RALYL: variants seen among roughly 807,000 people sequenced by gnomAD.
RALYL encodes RNA-binding Raly-like protein.
RALYL carries 29 observed loss-of-function variants against 35.1 expected under a neutral mutation model. That is an observed-to-expected ratio of 0.83 (90% CI 0.61 to 1.13). The LOEUF (loss-of-function observed/expected upper bound fraction) is 1.13, where lower values mean the gene tolerates loss of function less well. Ranked by LOEUF, RALYL falls within the 50% of genes most tolerant of loss-of-function variation. The pLI is 0.00. For synonymous variants in RALYL, 120 were observed against 127.6 expected, an observed-to-expected ratio of 0.94 and a Z score of 0.40; for missense variants, 359 against 360.4, an observed-to-expected ratio of 1.00 and a Z score of 0.03.
At position 84,887,598 on chromosome 8, in the gene RALYL, C is replaced by CA. The variant is rs755371477; in HGVS notation, c.686-6_686-5insA. On this transcript the variant is annotated splice_region_variant and splice_polypyrimidine_tract_variant and intron_variant, in intron 7 of 8. Coordinates refer to ENST00000521268, the MANE Select transcript of RALYL (RefSeq NM_173848.7). ...GTAGTAGTCATTTGCTTTCTCCCCC[C>CA]CCCAGAAGCTCAGAAGAAGCAATTG... 13 of 1,601,890 alleles carry CA rather than the reference C, an allele frequency of 8.1e-6. No individual in the cohort carries two copies. In the East Asian group the frequency reaches 2.0e-4, roughly 25 times the overall value.
rs542089554 is a variant in RALYL at position 84,780,462 on chromosome 8, A to G, written c.332+5808A>G. Among the ~76,000 whole-genome samples, 21 of 152,366 alleles carry G rather than the reference A, an allele frequency of 1.4e-4. No homozygotes were observed. In the East Asian group the frequency reaches 4.0e-3, roughly 29 times the overall value. On this transcript the variant is annotated intron_variant, in intron 3 of 8. Transcript: ENST00000521268. The stretch of plus-strand genomic sequence containing the variant: ...AAAACTCAAACCTGAATATCCATAC[A>G]TCTGGGTAATTGAGGGAGAGTTCTC...
intron 1 of RALYL, among the ~76,000 whole-genome samples, chr8:84,425,062 C>T (rs1471868032): frequency 6.6e-6 from 1 of 152,208 alleles, no homozygotes; most frequent in Admixed American, 6.5e-5. Context: ...CCTCCTTGAG[C>T]TGTGGTGGGC....
At chr8:84,661,088 C>T (rs1830816594) in intron 2 of RALYL, among the ~76,000 whole-genome samples, 1 of 152,034 alleles carries the variant, frequency 6.6e-6, no homozygotes, top group South Asian at 2.1e-4. Context: ...CCCACCATGC[C>T]CGGCTAATTT....
intron 1 of RALYL, among the ~76,000 whole-genome samples, chr8:84,291,796 A>G (rs117134755): frequency 0.027 from 4,096 of 151,872 alleles, 99 homozygotes; most frequent in Non-Finnish European, 0.031. Context: ...CAGAGCCTCA[A>G]TGAAGATAAT....
intron 8 of RALYL, among the ~76,000 whole-genome samples, chr8:84,910,433 G>A (rs1313904117): frequency 1.3e-5 from 2 of 151,918 alleles, no homozygotes; most frequent in African/African-American, 4.8e-5. Flanking sequence ...AATACAGACA[G>A]TCACATAAAC....
chr8:84,551,117 A>C (rs1246770372), intron 2 of RALYL, among the ~76,000 whole-genome samples: 3 of 151,972 alleles, frequency 2.0e-5, no homozygotes, highest in Non-Finnish European at 2.9e-5. Context: ...TAGAATTTTT[A>C]TTGGTATTAC....
intron 5 of RALYL, among the ~76,000 whole-genome samples, chr8:84,856,046 T>C (rs2134934226): frequency 6.6e-6 from 1 of 152,364 alleles, no homozygotes; most frequent in Admixed American, 6.5e-5. Context: ...GGAAAACATA[T>C]TAACAAGAAA....
chr8:84,252,048 C>G, intron 1 of RALYL, among the ~76,000 whole-genome samples: 1 of 151,892 alleles, frequency 6.6e-6, no homozygotes, highest in East Asian at 1.9e-4. Context: ...CTTTACTTCC[C>G]CTATGCCCTT....
chr8:84,654,820 T>C (rs958167748), intron 2 of RALYL, among the ~76,000 whole-genome samples: 2 of 152,152 alleles, frequency 1.3e-5, no homozygotes, highest in Non-Finnish European at 2.9e-5. Flanking sequence ...TTTTCTTTAT[T>C]CATTCATCTG....
At chr8:84,696,563 T>C (rs1839188905) in intron 2 of RALYL, among the ~76,000 whole-genome samples, 1 of 151,958 alleles carries the variant, frequency 6.6e-6, no homozygotes, top group Non-Finnish European at 1.5e-5. Flanking sequence ...GTATTTACTG[T>C]GTTCTCCAGG....
At chr8:84,735,469 G>A (rs1030442356) in intron 2 of RALYL, among the ~76,000 whole-genome samples, 4 of 151,850 alleles carry the variant, frequency 2.6e-5, no homozygotes, top group African/African-American at 9.7e-5. Context: ...ATTTAGCTGT[G>A]TCAGTCACCT....
chr8:84,333,549 C>T (rs1216638219), intron 1 of RALYL, among the ~76,000 whole-genome samples: 2 of 152,180 alleles, frequency 1.3e-5, no homozygotes, highest in Admixed American at 6.6e-5. Context: ...CCAGTTCCCT[C>T]ATAGCAGCCC....
At chr8:84,384,417 T>C (rs188362750) in intron 1 of RALYL, among the ~76,000 whole-genome samples, 4 of 151,962 alleles carry the variant, frequency 2.6e-5, no homozygotes, top group Admixed American at 2.6e-4. Context: ...TCCCACAAGA[T>C]TTTTATCATG....
At chr8:84,656,739 T>C (rs1276809390) in intron 2 of RALYL, among the ~76,000 whole-genome samples, 1 of 152,120 alleles carries the variant, frequency 6.6e-6, no homozygotes, top group African/African-American at 2.4e-5. Flanking sequence ...AAGCATTATC[T>C]ACCTGAGATA....
intron 1 of RALYL, among the ~76,000 whole-genome samples, chr8:84,226,367 AT>A (rs1823873012): frequency 6.6e-6 from 1 of 152,018 alleles, no homozygotes; most frequent in Admixed American, 6.6e-5. Context: ...GGTGTAGAGT[AT>A]ATCAAAACTA....
At chr8:84,320,406 G>T (rs1255095401) in intron 1 of RALYL, among the ~76,000 whole-genome samples, 1 of 151,270 alleles carries the variant, frequency 6.6e-6, no homozygotes, top group Non-Finnish European at 1.5e-5. Flanking sequence ...ATATACACTT[G>T]TGCATATATG....
intron 1 of RALYL, among the ~76,000 whole-genome samples, chr8:84,411,748 G>T (rs953027164): frequency 1.3e-5 from 2 of 151,990 alleles, no homozygotes; most frequent in Non-Finnish European, 2.9e-5. Flanking sequence ...CAGTAAAATT[G>T]CTTGCCTTTG....
chr8:84,621,435 A>G (rs1821436139), intron 2 of RALYL, among the ~76,000 whole-genome samples: 1 of 152,120 alleles, frequency 6.6e-6, no homozygotes, highest in Non-Finnish European at 1.5e-5. Context: ...GAGTGAGGCA[A>G]TGCCTCACCC....
intron 1 of RALYL, among the ~76,000 whole-genome samples, chr8:84,306,531 C>T (rs371352556): frequency 5.1e-4 from 78 of 152,220 alleles, no homozygotes; most frequent in African/African-American, 1.7e-3. Context: ...GTGCCTGATG[C>T]GCCTCACTTC....
Sources: gnomAD v4.1 joint callset for allele counts (sites outside exome capture counted in the v4.1 genomes callset) on GRCh38, gnomAD v4.1.1 for gene constraint, MANE v1.5 for transcripts, NCBI Gene and HGNC (gene_info 2026-07-23, HGNC 2026-07-21) for gene names.